RARB: variants seen among roughly 807,000 people sequenced by gnomAD.
RARB encodes the protein HBV-activated protein.
Under a neutral mutation model 51.9 loss-of-function variants are expected in RARB, and 17 were observed. The observed-to-expected ratio is 0.33, with a 90% CI of 0.22 to 0.49. The LOEUF (loss-of-function observed/expected upper bound fraction) is 0.49, where lower values mean the gene tolerates loss of function less well. Among genes scored for constraint, RARB ranks in the 20% least tolerant of loss-of-function variants. The pLI, the probability that RARB is intolerant of heterozygous loss-of-function variation, is 0.99. For missense variants in RARB, 369 were observed against 550.8 expected, an observed-to-expected ratio of 0.67 and a Z score of 3.30; for synonymous variants, 215 against 195.4, an observed-to-expected ratio of 1.10 and a Z score of -0.84.
chr3:25,075,454 G>C (rs1698852871), intron 3 of RARB, among the ~76,000 whole-genome samples: 1 of 152,116 alleles, frequency 6.6e-6, no homozygotes, highest in Non-Finnish European at 1.5e-5. Context: ...TGCTGAGCCT[G>C]GGGCATTCCT....
chr3:25,214,941 T>G (rs1701789297), intron 5 of RARB, among the ~76,000 whole-genome samples: 3 of 152,148 alleles, frequency 2.0e-5, no homozygotes, highest in African/African-American at 7.2e-5. Context: ...AGGGTGCATG[T>G]GAACCATACA....
At chr3:25,206,288 G>C (rs1438891379) in intron 5 of RARB, among the ~76,000 whole-genome samples, 6 of 152,114 alleles carry the variant, frequency 3.9e-5, no homozygotes, top group Non-Finnish European at 2.9e-5. Context: ...ACATAAATTT[G>C]ATATTTTTAA....
intron 4 of RARB, among the ~76,000 whole-genome samples, chr3:25,171,659 A>AAAAAAAAAAAAAAAAAG (rs1413499895): frequency 6.8e-6 from 1 of 147,398 alleles, no homozygotes; most frequent in African/African-American, 2.5e-5. Context: ...AAAAAAAAAA[A>AAAAAAAAAAAAAAAAAG]AACAGCTTTA....
At chr3:25,110,895 A>G (rs1295446139) in intron 3 of RARB, among the ~76,000 whole-genome samples, 1 of 152,202 alleles carries the variant, frequency 6.6e-6, no homozygotes. Flanking sequence ...TGAAAGACAC[A>G]TAAAGCCCCC....
In RARB at chr3:25,280,653, C is replaced by T. The variant is rs1019986320; in HGVS notation, c.178+106078C>T. ...TACAGAGACACAGATGTTACGTCAA[C>T]GTTTATTGAGTTCTTCAAATTAGGA... is the stretch of plus-strand genomic sequence containing the variant. On this transcript the variant is annotated intron_variant, in intron 5 of 11. Transcript: ENST00000383772. Among the ~76,000 whole-genome samples, 4 of 152,114 alleles carry T rather than the reference C, an allele frequency of 2.6e-5. No individual in the cohort carries two copies. In the East Asian group the frequency reaches 7.7e-4, roughly 29 times the overall value.
chr3:25,130,479 A>ATT (rs140172804), intron 3 of RARB, among the ~76,000 whole-genome samples: 1 of 151,164 alleles, frequency 6.6e-6, no homozygotes, highest in African/African-American at 2.4e-5. Flanking sequence ...GCATGTTGTC[A>ATT]TTTTTTTTTA....
intron 3 of RARB, among the ~76,000 whole-genome samples, chr3:25,120,527 A>ATCTG (rs1553634814): frequency 1.5e-5 from 2 of 136,166 alleles, no homozygotes; most frequent in Admixed American, 1.5e-4. Context: ...ATATATAAAA[A>ATCTG]TCTCTCTCTC....
At chr3:25,037,153 G>A (rs899746039) in intron 2 of RARB, among the ~76,000 whole-genome samples, 1 of 152,128 alleles carries the variant, frequency 6.6e-6, no homozygotes, top group Non-Finnish European at 1.5e-5. Context: ...TTGGACTGTA[G>A]AGTGTCAGTA....
chr3:25,544,201 G>GA (rs776468895), intron 3 of RARB, among the ~76,000 whole-genome samples: 2 of 151,904 alleles, frequency 1.3e-5, no homozygotes, highest in African/African-American at 4.8e-5. Flanking sequence ...TATTTTTGTT[G>GA]AAAAAAATAC....
intron 5 of RARB, among the ~76,000 whole-genome samples, chr3:25,321,185 C>A (rs965900654): frequency 6.6e-6 from 1 of 152,108 alleles, no homozygotes; most frequent in Admixed American, 6.6e-5. Flanking sequence ...CTGAGTTAAA[C>A]AGGACAATGA....
chr3:25,186,461 C>T (rs1700976318), intron 5 of RARB, among the ~76,000 whole-genome samples: 1 of 152,070 alleles, frequency 6.6e-6, no homozygotes, highest in Non-Finnish European at 1.5e-5. Context: ...TTCTAGAGAA[C>T]CTCTTTAATA....
chr3:25,453,584 T>G (rs192138000), intron 1 of RARB, among the ~76,000 whole-genome samples: 7 of 152,274 alleles, frequency 4.6e-5, no homozygotes, highest in Non-Finnish European at 4.4e-5. Flanking sequence ...ATGCTGATGC[T>G]GCTTGTCCAG....
chr3:25,145,377 C>T (rs990188188), intron 4 of RARB, among the ~76,000 whole-genome samples: 5 of 151,988 alleles, frequency 3.3e-5, no homozygotes, highest in African/African-American at 4.8e-5. Context: ...TATCACAGAA[C>T]AAATTAAGGG....
chr3:25,008,588 C>A (rs940163475), intron 2 of RARB, among the ~76,000 whole-genome samples: 4 of 152,210 alleles, frequency 2.6e-5, no homozygotes, highest in African/African-American at 9.6e-5. Flanking sequence ...AAGATTTTCT[C>A]CTTGACTGCT....
intron 3 of RARB, among the ~76,000 whole-genome samples, chr3:25,099,971 T>C (rs1699369341): frequency 6.6e-6 from 1 of 152,196 alleles, no homozygotes; most frequent in Non-Finnish European, 1.5e-5. Flanking sequence ...TACTTTAAAA[T>C]ATCATTTCCT....
chr3:25,402,701 C>T (rs1018092583), intron 5 of RARB, among the ~76,000 whole-genome samples: 13 of 151,944 alleles, frequency 8.6e-5, no homozygotes, highest in East Asian at 1.9e-4. Flanking sequence ...ATAAGCCAGG[C>T]GCAGAAAGAC....
chr3:25,375,405 T>C (rs1319597880), intron 5 of RARB, among the ~76,000 whole-genome samples: 1 of 152,222 alleles, frequency 6.6e-6, no homozygotes, highest in Non-Finnish European at 1.5e-5. Flanking sequence ...GTATTGGTGC[T>C]ACTGTTGTGT....
intron 4 of RARB, among the ~76,000 whole-genome samples, chr3:25,150,898 A>G (rs17576864): frequency 0.085 from 12,909 of 152,316 alleles, 720 homozygotes; most frequent in Non-Finnish European, 0.13. Flanking sequence ...TACAAACTGA[A>G]TATCCACTAC....
intron 3 of RARB, among the ~76,000 whole-genome samples, chr3:25,105,717 C>G (rs1316662199): frequency 1.3e-5 from 2 of 152,074 alleles, no homozygotes; most frequent in Non-Finnish European, 2.9e-5. Flanking sequence ...TTTTTACTTG[C>G]CAGTCTCTTT....
Sources: allele counts gnomAD v4.1 joint callset (sites outside exome capture counted in the v4.1 genomes callset), GRCh38; gene constraint gnomAD v4.1.1; transcripts MANE v1.5; gene names NCBI Gene and HGNC (gene_info 2026-07-23, HGNC 2026-07-21).